Variants in TMIGD3 observed in about 807,000 individuals in gnomAD.
TMIGD3 encodes AD026 protein (AD026).
TMIGD3 carries 21 observed loss-of-function variants against 28.1 expected under a neutral mutation model. The observed-to-expected ratio is 0.75, with a 90% CI of 0.53 to 1.08. The LOEUF is 1.08. Among genes scored for constraint, TMIGD3 ranks in the 50% least tolerant of loss-of-function variants. The pLI is 0.00. For missense variants in TMIGD3, 416 were observed against 435.6 expected, an observed-to-expected ratio of 0.96 and a Z score of 0.40; for synonymous variants, 151 against 162.1, an observed-to-expected ratio of 0.93 and a Z score of 0.52.
At chr1:111,492,762 C>G (rs995649547) in intron 1 of TMIGD3, among the ~76,000 whole-genome samples, 1 of 149,378 alleles carries the variant, frequency 6.7e-6, no homozygotes, top group Non-Finnish European at 1.5e-5. Context: ...TGCAGTAAGC[C>G]GAGATCACGC....
intron 1 of TMIGD3, among the ~76,000 whole-genome samples, chr1:111,491,379 C>T (rs550217968): frequency 6.6e-6 from 1 of 152,384 alleles, no homozygotes; most frequent in Non-Finnish European, 1.5e-5. Flanking sequence ...TTCATCTATG[C>T]AGCAGCAGCT....
At chr1:111,536,250 A>G (rs150148395) in intron 1 of TMIGD3, among the ~76,000 whole-genome samples, 25 of 151,546 alleles carry the variant, frequency 1.6e-4, no homozygotes, top group African/African-American at 3.9e-4. Context: ...TTTTAAGGAG[A>G]AAAAAAACAC....
At chr1:111,513,914 C>T (rs896311955) in intron 1 of TMIGD3, among the ~76,000 whole-genome samples, 2 of 152,164 alleles carry the variant, frequency 1.3e-5, no homozygotes, top group African/African-American at 4.8e-5. Context: ...CAGGGCATCC[C>T]CTAGTTGGGG....
At chr1:111,558,915 G>A (rs963756057) in intron 1 of TMIGD3, among the ~76,000 whole-genome samples, 7 of 152,044 alleles carry the variant, frequency 4.6e-5, no homozygotes, top group African/African-American at 1.4e-4. Context: ...TATGTAAAAC[G>A]TAGTAACAAG....
intron 1 of TMIGD3, among the ~76,000 whole-genome samples, chr1:111,555,716 A>G (rs1037719846): frequency 1.3e-5 from 2 of 152,196 alleles, no homozygotes; most frequent in Non-Finnish European, 2.9e-5. Context: ...TAATAACAAA[A>G]GAATAAAGTT....
intron 1 of TMIGD3, among the ~76,000 whole-genome samples, chr1:111,547,311 G>A (rs1657068354): frequency 6.6e-6 from 1 of 151,592 alleles, no homozygotes; most frequent in African/African-American, 2.4e-5. Flanking sequence ...AAAGGGTACT[G>A]GATTTTGTCA....
At chr1:111,515,298 C>A (rs538796599) in intron 1 of TMIGD3, among the ~76,000 whole-genome samples, 1 of 152,308 alleles carries the variant, frequency 6.6e-6, no homozygotes, top group Admixed American at 6.5e-5. Context: ...CCTGATTTCA[C>A]TGGGGTCGCT....
intron 1 of TMIGD3, among the ~76,000 whole-genome samples, chr1:111,528,716 AT>A (rs1179951757): frequency 6.6e-6 from 1 of 152,060 alleles, no homozygotes; most frequent in Non-Finnish European, 1.5e-5. Context: ...AGTTTTTCTC[AT>A]ATAGATATTG....
intron 1 of TMIGD3, chr1:111,500,863 C>CGACCACCGAGA: frequency 6.2e-6 from 3 of 481,320 alleles, no homozygotes; most frequent in East Asian, 3.0e-5. Context: ...TGCTTACGTG[C>CGACCACCGAGA]TCCACTCAGG....
At chr1:111,489,477 A>G (rs1191453433) in intron 2 of TMIGD3, 2 of 811,968 alleles carry the variant, frequency 2.5e-6, no homozygotes. Flanking sequence ...CACCTTCATA[A>G]CATAAGGAAA....
chr1:111,562,226 C>T (rs1657769990), intron 1 of TMIGD3, among the ~76,000 whole-genome samples: 1 of 152,112 alleles, frequency 6.6e-6, no homozygotes, highest in Non-Finnish European at 1.5e-5. Flanking sequence ...ACCACTTCTT[C>T]CCCTATGTTC....
Position 111,511,674 on chromosome 1 carries a change from T to TACACACACACACACACACACAC in TMIGD3, c.108-20934_108-20913dup, listed in dbSNP as rs72064023. On this transcript the variant is annotated intron_variant, in intron 1 of 5. Transcript: ENST00000369717. ...GTGATCTATCTCAAATGGTGCCCTT[T>TACACACACACACACACACACAC]ACACACACACACACACACACACACG... Among the ~76,000 whole-genome samples, 374 of 148,924 alleles carry TACACACACACACACACACACAC rather than the reference T, an allele frequency of 2.5e-3. 2 individuals are homozygous for TACACACACACACACACACACAC. The highest frequency in any genetic ancestry group is 5.7e-3 in the African/African-American group (230 of 40,148).
intron 1 of TMIGD3, among the ~76,000 whole-genome samples, chr1:111,520,911 C>T (rs1342003443): frequency 3.9e-5 from 6 of 152,308 alleles, no homozygotes; most frequent in Non-Finnish European, 7.3e-5. Context: ...CAAGTTTTGG[C>T]ATATGTATAC....
chr1:111,487,818 T>A (rs1455873986), intron 3 of TMIGD3, among the ~76,000 whole-genome samples: 1 of 152,192 alleles, frequency 6.6e-6, no homozygotes, highest in African/African-American at 2.4e-5. Context: ...TATTATTATT[T>A]TTTGAGACAG....
intron 1 of TMIGD3, among the ~76,000 whole-genome samples, chr1:111,538,151 A>G (rs1656702240): frequency 6.6e-6 from 1 of 152,212 alleles, no homozygotes; most frequent in Non-Finnish European, 1.5e-5. Context: ...ATGTGCAGAA[A>G]ACCACATCAG....
chr1:111,519,590 A>C (rs6686510), intron 1 of TMIGD3, among the ~76,000 whole-genome samples: 39,505 of 152,142 alleles, frequency 0.26, 6,168 homozygotes, highest in Non-Finnish European at 0.35. Context: ...ATCAAGTTGC[A>C]TACAGGAAGA....
chr1:111,513,086 C>G (rs985561658), intron 1 of TMIGD3, among the ~76,000 whole-genome samples: 4 of 152,214 alleles, frequency 2.6e-5, no homozygotes, highest in African/African-American at 7.2e-5. Flanking sequence ...GACATTTAGT[C>G]TTCCAGGTCA....
At chr1:111,536,997 T>A (rs1197258184) in intron 1 of TMIGD3, among the ~76,000 whole-genome samples, 1 of 152,252 alleles carries the variant, frequency 6.6e-6, no homozygotes, top group Non-Finnish European at 1.5e-5. Context: ...TGCTTCCTAG[T>A]ACTTAGCAAT....
intron 1 of TMIGD3, among the ~76,000 whole-genome samples, chr1:111,535,591 G>A (rs1656612912): frequency 6.6e-6 from 1 of 152,200 alleles, no homozygotes; most frequent in Non-Finnish European, 1.5e-5. Context: ...TTAAAGTGAG[G>A]ATACAGCGTT....
Sources: gnomAD v4.1 joint callset for allele counts (sites outside exome capture counted in the v4.1 genomes callset) on GRCh38, gnomAD v4.1.1 for gene constraint, MANE v1.5 for transcripts, NCBI Gene and HGNC (gene_info 2026-07-23, HGNC 2026-07-21) for gene names.